AGMO: variants seen among roughly 807,000 people sequenced by gnomAD.
AGMO encodes the protein glyceryl-ether monooxygenase.
Under a neutral mutation model 60.2 loss-of-function variants are expected in AGMO, and 75 were observed. The observed-to-expected ratio is 1.25, with a 90% CI of 1.03 to 1.51. The LOEUF (loss-of-function observed/expected upper bound fraction) is 1.51. Ranked by LOEUF, AGMO falls within the 40% of genes most tolerant of loss-of-function variation. The pLI, the probability that AGMO is intolerant of heterozygous loss-of-function variation, is 0.00. For missense variants in AGMO, 763 were observed against 525.5 expected, an observed-to-expected ratio of 1.45 and a Z score of -4.42; for synonymous variants, 261 against 177.1, an observed-to-expected ratio of 1.47 and a Z score of -3.76.
the AGMO span, among the ~76,000 whole-genome samples, chr7:15,155,044 T>C: frequency 9.8e-5 from 15 of 152,336 alleles, no homozygotes; most frequent in Middle Eastern, 3.4e-3. Flanking sequence ...TTCTTTCACA[T>C]TGACTTTGTA....
the AGMO span, among the ~76,000 whole-genome samples, chr7:15,176,003 C>T: frequency 1.3e-5 from 2 of 151,910 alleles, no homozygotes; most frequent in African/African-American, 4.8e-5. Context: ...GGAATGATAT[C>T]TTCGTATACA....
the AGMO span, among the ~76,000 whole-genome samples, chr7:15,149,023 T>C: frequency 2.6e-5 from 4 of 152,192 alleles, no homozygotes; most frequent in African/African-American, 9.7e-5. Flanking sequence ...CTAACCAGTG[T>C]GAGATAGTAT....
intron 12 of AGMO, among the ~76,000 whole-genome samples, chr7:15,221,904 A>C (rs1029528554): frequency 1.3e-5 from 2 of 152,130 alleles, no homozygotes; most frequent in Non-Finnish European, 2.9e-5. Flanking sequence ...CTGTATGTAA[A>C]AGGCAAATAT....
At chr7:15,376,385 C>CAGA (rs79128651) in intron 10 of AGMO, among the ~76,000 whole-genome samples, 71,930 of 151,540 alleles carry the variant, frequency 0.47, 19,809 homozygotes, top group African/African-American at 0.78. Flanking sequence ...GATTTTTTTA[C>CAGA]AGGTTTTTTT....
chr7:15,384,587 A>G (rs1477847323), intron 10 of AGMO, among the ~76,000 whole-genome samples: 1 of 152,128 alleles, frequency 6.6e-6, no homozygotes, highest in African/African-American at 2.4e-5. Context: ...TATTATTCAG[A>G]GTTACCATGT....
chr7:15,162,476 T>C, the AGMO span, among the ~76,000 whole-genome samples: 2 of 152,014 alleles, frequency 1.3e-5, no homozygotes, highest in Non-Finnish European at 2.9e-5. Flanking sequence ...GTGGTTTGCT[T>C]GAGCTCAGGA....
chr7:15,332,149 C>G (rs900629191), intron 12 of AGMO, among the ~76,000 whole-genome samples: 2 of 151,970 alleles, frequency 1.3e-5, no homozygotes. Flanking sequence ...TTTTTCTGAG[C>G]AAAAAATAAA....
At chr7:15,356,692 ATC>A (rs768703278) in intron 12 of AGMO, among the ~76,000 whole-genome samples, 1 of 151,984 alleles carries the variant, frequency 6.6e-6, no homozygotes, top group Admixed American at 6.6e-5. Context: ...TGTTTATTTT[ATC>A]TTTTATAAAA....
intron 3 of AGMO, among the ~76,000 whole-genome samples, chr7:15,539,982 A>T (rs1301348548): frequency 6.6e-6 from 1 of 152,176 alleles, no homozygotes; most frequent in Non-Finnish European, 1.5e-5. Context: ...CAATCAAGAG[A>T]CAGAAACCAC....
chr7:15,322,725 T>TATATATATAAATATATAAATATATATAA (rs1781206410), intron 12 of AGMO, among the ~76,000 whole-genome samples: 1 of 72,800 alleles, frequency 1.4e-5, no homozygotes, highest in Non-Finnish European at 2.3e-5. Flanking sequence ...AATATATAAA[T>TATATATATAAATATATAAATATATATAA]ATATATATAA....
chr7:15,355,929 G>A (rs139679591), intron 12 of AGMO, among the ~76,000 whole-genome samples: 3 of 152,074 alleles, frequency 2.0e-5, no homozygotes, highest in South Asian at 2.1e-4. Flanking sequence ...TGGGTAAAAG[G>A]TACAAAAAAA....
rs114563950 is a variant in AGMO at position 15,394,867 on chromosome 7, A to C, written c.610-688T>G. ...CATCTTAGAGGCACAATTCGAAGTCAAATATATAAAAAGGCCTTTTTTCAC... is the reference window on the plus strand; with the variant it reads ...CATCTTAGAGGCACAATTCGAAGTCCAATATATAAAAAGGCCTTTTTTCAC... On this transcript the variant is annotated intron_variant, in intron 5 of 12. Transcript: ENST00000342526. Among the ~76,000 whole-genome samples, 637 of 152,322 alleles carry C rather than the reference A, an allele frequency of 4.2e-3. 4 individuals are homozygous for C. The highest frequency in any genetic ancestry group is 0.015 in the African/African-American group (610 of 41,576).
chr7:15,532,371 C>T (rs894242330), intron 3 of AGMO, among the ~76,000 whole-genome samples: 1 of 152,186 alleles, frequency 6.6e-6, no homozygotes, highest in Non-Finnish European at 1.5e-5. Flanking sequence ...TATTAAGGCT[C>T]TGGTGCATTA....
the AGMO span, among the ~76,000 whole-genome samples, chr7:15,144,407 A>G: frequency 6.6e-6 from 1 of 152,196 alleles, no homozygotes; most frequent in Non-Finnish European, 1.5e-5. Context: ...CTGAAAAATT[A>G]AAAAATAGTA....
intron 12 of AGMO, among the ~76,000 whole-genome samples, chr7:15,244,638 TTTG>T (rs913381277): frequency 4.6e-5 from 7 of 151,144 alleles, no homozygotes; most frequent in South Asian, 2.1e-4. Context: ...CATTCTTTTT[TTTG>T]TTTGTTTGTT....
At chr7:15,554,754 G>A (rs185834780) in intron 2 of AGMO, among the ~76,000 whole-genome samples, 90 of 152,076 alleles carry the variant, frequency 5.9e-4, no homozygotes, top group Non-Finnish European at 1.1e-3. Context: ...TGTTAAGATT[G>A]AAAAATAATC....
At chr7:15,389,219 A>AACAGAATC (rs1784042538) in intron 8 of AGMO, among the ~76,000 whole-genome samples, 1 of 152,166 alleles carries the variant, frequency 6.6e-6, no homozygotes, top group Admixed American at 6.5e-5. Flanking sequence ...AGAACTACTG[A>AACAGAATC]ACAGAATCTG....
chr7:15,437,819 C>A (rs1033446471), intron 3 of AGMO, among the ~76,000 whole-genome samples: 1 of 152,110 alleles, frequency 6.6e-6, no homozygotes, highest in Non-Finnish European at 1.5e-5. Context: ...AGATTACAGG[C>A]GTGAGCCACT....
At chr7:15,419,292 G>C (rs1455700621) in intron 4 of AGMO, among the ~76,000 whole-genome samples, 1 of 151,890 alleles carries the variant, frequency 6.6e-6, no homozygotes, top group Non-Finnish European at 1.5e-5. Context: ...GACAACTTAT[G>C]ATTAAACCAC....
Sources: gnomAD v4.1 joint callset for allele counts (sites outside exome capture counted in the v4.1 genomes callset) on GRCh38, gnomAD v4.1.1 for gene constraint, MANE v1.5 for transcripts, NCBI Gene and HGNC (gene_info 2026-07-23, HGNC 2026-07-21) for gene names.